Variants in EML2 observed in about 807,000 individuals in gnomAD.
EML2 encodes the protein echinoderm microtubule-associated protein-like 2.
Under a neutral mutation model 84.7 loss-of-function variants are expected in EML2, and 59 were observed. That is an observed-to-expected ratio of 0.70 (90% CI 0.56 to 0.86). The LOEUF (loss-of-function observed/expected upper bound fraction) is 0.86, where lower values mean the gene tolerates loss of function less well. EML2 is among the 40% of genes least tolerant of loss of function. EML2 has a pLI of 0.00. For synonymous variants in EML2, 352 were observed against 348.9 expected, an observed-to-expected ratio of 1.01 and a Z score of -0.10; for missense variants, 818 against 855.6, an observed-to-expected ratio of 0.96 and a Z score of 0.55.
chr19:45,612,516 A>T (rs1366523525), intron 18 of EML2, among the ~76,000 whole-genome samples: 3 of 152,110 alleles, frequency 2.0e-5, no homozygotes, highest in African/African-American at 7.2e-5. Context: ...TCTATGAAAA[A>T]TACAAAAATT....
At chr19:45,642,522 G>A, upstream of EML2, 2 of 1,415,676 alleles carry the variant, frequency 1.4e-6, no homozygotes, top group African/African-American at 1.4e-5. Context: ...TCTGAAGGGG[G>A]AAGGAAATCC....
At position 45,634,556 on chromosome 19, in the gene EML2, A is replaced by AT. The variant is rs1437811158; in HGVS notation, c.180-86dup. ...GTTTTTATTTATTTATTTATTTTTA[A>AT]TTTTTTTATTTATTTATTTTTTTGA... On this transcript the variant is annotated intron_variant, in intron 3 of 18. Transcript: ENST00000245925. 5.7e-6 allele frequency: 6 copies of AT among 1,050,270 alleles called. No individual in the cohort carries two copies. The East Asian group carries it at 2.3e-4, about 41-fold the overall frequency. The allele number at this position is 1,050,270 out of a possible 1,614,324, so 65.1% of individuals were successfully genotyped here.
upstream of EML2, chr19:45,642,073 G>A (rs1387934051): frequency 6.9e-7 from 1 of 1,446,474 alleles, no homozygotes; most frequent in Non-Finnish European, 9.1e-7. Flanking sequence ...ACAGAAGAGG[G>A]TGAGTATAAG....
chr19:45,617,231 G>A (rs1026196553), intron 13 of EML2, among the ~76,000 whole-genome samples: 12 of 151,714 alleles, frequency 7.9e-5, no homozygotes, highest in Non-Finnish European at 1.3e-4. Context: ...GGGCGACAGA[G>A]CAAGACTCTG....
chr19:45,631,304 A>G (rs1318647361), intron 6 of EML2, among the ~76,000 whole-genome samples: 1 of 152,136 alleles, frequency 6.6e-6, no homozygotes, highest in Admixed American at 6.6e-5. Flanking sequence ...GGTCCAATCC[A>G]GTGCCTCTTA....
chr19:45,643,453 T>A, upstream of EML2: 1 of 1,254,976 alleles, frequency 8.0e-7, no homozygotes, highest in Non-Finnish European at 1.1e-6. Context: ...GATTTGGCTC[T>A]CCAGCCTATG....
intron 15 of EML2, 161 bp downstream of exon 15, chr19:45,616,300 A>C (rs1971061879): frequency 2.2e-5 from 13 of 603,754 alleles, no homozygotes; most frequent in Non-Finnish European, 3.2e-5. Context: ...GGCTTAGAAC[A>C]CACGAGGTGG....
In EML2 at chr19:45,620,573, G is replaced by A. The variant is rs543421413; in HGVS notation, c.1122+634C>T. On this transcript the variant is annotated intron_variant, in intron 11 of 18. Coordinates refer to ENST00000245925, the MANE Select transcript of EML2 (RefSeq NM_012155.4). Reference sequence around the variant, plus strand: ...AAAATACAAAAATTAGCTGGGTGTAGTGGTACATGCCTATAATTCCAGCTA... The same window carrying A: ...AAAATACAAAAATTAGCTGGGTGTAATGGTACATGCCTATAATTCCAGCTA... Among the ~76,000 whole-genome samples the A allele has an allele frequency of 1.0e-3, 153 of 151,954 alleles. 2 individuals carry two copies. Among genetic ancestry groups the A allele is most frequent in the African/African-American group, 3.4e-3 (142 of 41,474 alleles).
chr19:45,637,343 TATA>T (rs1252778136), intron 3 of EML2, among the ~76,000 whole-genome samples: 2 of 152,048 alleles, frequency 1.3e-5, no homozygotes, highest in Admixed American at 6.6e-5. Context: ...GGAAAGGAGG[TATA>T]ATAATTTCCA....
At chr19:45,615,263 C>T (rs1413676397) in intron 16 of EML2, among the ~76,000 whole-genome samples, 2 of 151,954 alleles carry the variant, frequency 1.3e-5, no homozygotes, top group Non-Finnish European at 2.9e-5. Flanking sequence ...TCGCTTGAAC[C>T]TGGGAGGCGG....
At chr19:45,635,067 T>G (rs1469924996) in intron 3 of EML2, among the ~76,000 whole-genome samples, 1 of 152,074 alleles carries the variant, frequency 6.6e-6, no homozygotes, top group Non-Finnish European at 1.5e-5. Flanking sequence ...GCCAGGATGG[T>G]CTCAATCTCC....
At chr19:45,612,503 A>C (rs913959792) in intron 18 of EML2, among the ~76,000 whole-genome samples, 1 of 152,034 alleles carries the variant, frequency 6.6e-6, no homozygotes, top group African/African-American at 2.4e-5. Flanking sequence ...CAGAGAACCT[A>C]TCTCTATGAA....
intron 8 of EML2, 139 bp from the exon 9 acceptor site, chr19:45,624,957 C>T: frequency 3.1e-6 from 2 of 636,256 alleles, no homozygotes. Context: ...TGGAGCATCC[C>T]TTCTCCCACC....
intron 13 of EML2, among the ~76,000 whole-genome samples, chr19:45,617,211 A>C (rs1001562357): frequency 5.3e-5 from 8 of 151,162 alleles, no homozygotes; most frequent in African/African-American, 2.0e-4. Flanking sequence ...GCGCCACCGG[A>C]CTCCAGTCTG....
upstream of EML2, among the ~76,000 whole-genome samples, chr19:45,643,248 G>GA (rs899342703): frequency 5.7e-4 from 87 of 152,270 alleles, no homozygotes; most frequent in African/African-American, 1.9e-3. Flanking sequence ...TCACCCTGGG[G>GA]TTCGACCCTA....
intron 14 of EML2, 77 bp downstream of exon 14, chr19:45,616,688 C>T (rs1971119045): frequency 1.4e-6 from 2 of 1,456,378 alleles, no homozygotes; most frequent in East Asian, 4.7e-5. Context: ...TCGCAGGCTC[C>T]ACCCCTCCCC....
At chr19:45,626,678 C>T in intron 8 of EML2, 27 bp downstream of exon 8, 3 of 1,595,280 alleles carry the variant, frequency 1.9e-6, no homozygotes, top group Non-Finnish European at 8.6e-7. Context: ...TCAGGGCCAG[C>T]CTGTCCCCCA....
intron 9 of EML2, among the ~76,000 whole-genome samples, chr19:45,624,179 A>G (rs867401678): frequency 5.9e-5 from 9 of 152,214 alleles, no homozygotes; most frequent in Middle Eastern, 3.2e-3. Context: ...TCATTCATTC[A>G]TTGCTGTATA....
upstream of EML2, chr19:45,639,421 C>A (rs1323993292): frequency 1.6e-6 from 2 of 1,247,340 alleles, no homozygotes; most frequent in East Asian, 3.2e-5. Flanking sequence ...GAGCCGGGAC[C>A]GGCTCTGCCG....
Sources: allele counts gnomAD v4.1 joint callset (sites outside exome capture counted in the v4.1 genomes callset), GRCh38; gene constraint gnomAD v4.1.1; transcripts MANE v1.5; gene names NCBI Gene and HGNC (gene_info 2026-07-23, HGNC 2026-07-21).